The following COL6A6 variants were observed in gnomAD, a reference collection of about 807,000 sequenced individuals.
COL6A6 encodes collagen type VI alpha 6 chain.
In COL6A6, 183 loss-of-function variants were observed where a neutral mutation model predicts 208.6. That is an observed-to-expected ratio of 0.88 (90% CI 0.78 to 0.99). The LOEUF (loss-of-function observed/expected upper bound fraction) is 0.99, where lower values mean the gene tolerates loss of function less well. Among genes scored for constraint, COL6A6 ranks in the 50% least tolerant of loss-of-function variants. The probability of loss-of-function intolerance (pLI) is 0.00; values close to 1 mark genes in which losing one functional copy is unlikely to be tolerated. For synonymous variants in COL6A6, 973 were observed against 1,011.8 expected (o/e 0.96, Z 0.73); for missense variants, 2,816 against 2,815.2 (o/e 1.00, Z -0.01).
intron 1 of COL6A6, among the ~76,000 whole-genome samples, chr3:130,523,179 C>G (rs1429907119): frequency 3.3e-5 from 5 of 152,068 alleles, no homozygotes; most frequent in Non-Finnish European, 7.4e-5. Flanking sequence ...TTTGGAATCT[C>G]TTCTACCTAA....
chr3:130,599,595 T>G (rs1483192291), intron 19 of COL6A6, among the ~76,000 whole-genome samples, 162 bp from the exon 20 acceptor site: 1 of 152,218 alleles, frequency 6.6e-6, no homozygotes, highest in Non-Finnish European at 1.5e-5. Flanking sequence ...TATAGAAATG[T>G]GACTTATGAT....
In COL6A6 at chr3:130,566,783, T is replaced by C; in HGVS notation, c.1364T>C (p.Met455Thr). The C allele has an allele frequency of 6.2e-7, 1 of 1,614,014 alleles. No homozygotes were observed. Among genetic ancestry groups the C allele is most frequent in the Non-Finnish European group, 8.5e-7 (1 of 1,179,902 alleles). ...GSTQATDFHEMKTFLSEVVGM... is the reference protein window; with the variant it reads ...GSTQATDFHETKTFLSEVVGM... ...ACCCAGGCCACAGATTTCCATGAAATGAAGACGTTCCTGTCAGAGGTGGTA... is the reference window on the plus strand; with the variant it reads ...ACCCAGGCCACAGATTTCCATGAAACGAAGACGTTCCTGTCAGAGGTGGTA... The change falls in exon 5 of 37, where the codon ATG (methionine) becomes ACG (threonine). Residue 455 changes from methionine (M) to threonine (T), a missense_variant. Physicochemically the swap from Met to Thr is moderately conservative, Grantham distance 81 (BLOSUM62 -1). Coordinates refer to ENST00000358511, the MANE Select transcript of COL6A6 (RefSeq NM_001102608.3).
chr3:130,598,489 G>T, intron 19 of COL6A6, 59 bp downstream of exon 19: 1 of 1,198,932 alleles, frequency 8.3e-7, no homozygotes, highest in Admixed American at 2.1e-5. Context: ...AGTTCTTGTT[G>T]GTAGAATGTG....
At chr3:130,612,391 C>T (rs2064385747) in intron 23 of COL6A6, among the ~76,000 whole-genome samples, 1 of 152,160 alleles carries the variant, frequency 6.6e-6, no homozygotes, top group South Asian at 2.1e-4. Context: ...TGTACAGTCC[C>T]ACCAGGAGTG....
At chr3:130,672,609 G>T (rs570530903) in intron 36 of COL6A6, among the ~76,000 whole-genome samples, 125 of 151,804 alleles carry the variant, frequency 8.2e-4, no homozygotes, top group Admixed American at 1.4e-3. Flanking sequence ...TTACCATGTT[G>T]GCCAGGCTGG....
rs201487305 is a variant in COL6A6 at position 130,570,888 on chromosome 3, G to A, written c.2472G>A (p.Glu824=). 5.0e-6 allele frequency: 8 copies of A among 1,613,874 alleles called. No homozygotes were observed. Among genetic ancestry groups the A allele is most frequent in the East Asian group, 4.5e-5 (2 of 44,888 alleles). ...GCTCTGGCAGTATTGACTATGATGA[G>A]TATAATATCATGAAGGATTTTATGA... The part of the protein sequence containing the change: ...IDSSGSIDYD[E]YNIMKDFMIG... The change falls in exon 7 of 37, where the codon GAG becomes GAA. Residue 824 remains glutamate (E), a synonymous_variant. Transcript: ENST00000358511.
At chr3:130,528,092 A>G (rs986263581) in intron 1 of COL6A6, among the ~76,000 whole-genome samples, 1 of 152,130 alleles carries the variant, frequency 6.6e-6, no homozygotes, top group African/African-American at 2.4e-5. Flanking sequence ...GAGATATGCT[A>G]TGAAAAATAA....
chr3:130,557,110 G>A (rs2062783057), intron 1 of COL6A6, among the ~76,000 whole-genome samples: 1 of 152,130 alleles, frequency 6.6e-6, no homozygotes, highest in Non-Finnish European at 1.5e-5. Context: ...GGCAGTTTAG[G>A]AATGGAGCTG....
At chr3:130,608,763 C>CT (rs752049202) in intron 21 of COL6A6, 139 bp from the exon 22 acceptor site, 5,563 of 310,148 alleles carry the variant, frequency 0.018, 1,710 homozygotes, top group African/African-American at 0.077. Context: ...TATTTTTCAC[C>CT]TTTTTTTTTT....
At chr3:130,634,918 A>G (rs1236274462) in intron 27 of COL6A6, among the ~76,000 whole-genome samples, 1 of 152,084 alleles carries the variant, frequency 6.6e-6, no homozygotes, top group Non-Finnish European at 1.5e-5. Context: ...TATCATATAT[A>G]TTTTCTTATT....
At chr3:130,599,531 T>C (rs944604476) in intron 19 of COL6A6, among the ~76,000 whole-genome samples, 6 of 152,202 alleles carry the variant, frequency 3.9e-5, no homozygotes, top group African/African-American at 7.2e-5. Flanking sequence ...TGATGAATGA[T>C]GAACAGATGA....
rs1224707701 is a variant in COL6A6 at position 130,599,778 on chromosome 3, C to T, written c.4621C>T (p.Pro1541Ser). The T allele has an allele frequency of 3.7e-6, 6 of 1,613,520 alleles. No homozygotes were observed. Among genetic ancestry groups the T allele is most frequent in the African/African-American group, 1.3e-5 (1 of 74,880 alleles). Residue 1541 changes from proline to serine, a missense_variant, in exon 20 of 37, where the codon CCC becomes TCC. Pro to Ser is a moderately conservative substitution (Grantham distance 74). Transcript: ENST00000358511. ...ACAGGGCAGAAGAGGCTGGCCAGGC[C>T]CCCCCGGGACACCAGGCTCCAGAAG... is the stretch of plus-strand genomic sequence containing the variant. ...GRQGRRGWPG[P>S]PGTPGSRRKT...
chr3:130,601,641 C>T (rs764977322), intron 20 of COL6A6, among the ~76,000 whole-genome samples: 3 of 152,226 alleles, frequency 2.0e-5, no homozygotes, highest in Non-Finnish European at 4.4e-5. Flanking sequence ...AACCACACCA[C>T]TCCCATGAAA....
At chr3:130,545,437 T>A (rs1334367361) in intron 1 of COL6A6, among the ~76,000 whole-genome samples, 1 of 149,132 alleles carries the variant, frequency 6.7e-6, no homozygotes, top group African/African-American at 2.5e-5. Context: ...TTCCACCTCC[T>A]GGCTGCTTTC....
intron 24 of COL6A6, among the ~76,000 whole-genome samples, chr3:130,623,078 C>A (rs779041807): frequency 1.3e-5 from 2 of 152,086 alleles, no homozygotes; most frequent in South Asian, 2.1e-4. Context: ...GTGGCCAGCA[C>A]GGTGTTATCT....
intron 36 of COL6A6, among the ~76,000 whole-genome samples, chr3:130,670,974 C>A (rs2066198380): frequency 6.6e-6 from 1 of 152,136 alleles, no homozygotes; most frequent in Non-Finnish European, 1.5e-5. Flanking sequence ...AGACTGGACA[C>A]CCCTCTGCTG....
intron 1 of COL6A6, among the ~76,000 whole-genome samples, chr3:130,539,052 G>C (rs1156923952): frequency 1.3e-5 from 2 of 152,198 alleles, no homozygotes; most frequent in African/African-American, 4.8e-5. Flanking sequence ...CCCATGCTGA[G>C]AGTAACCTTG....
At position 130,574,069 on chromosome 3, in the gene COL6A6, G is replaced by C; in HGVS notation, c.3091G>C (p.Asp1031His). Residue 1031 changes from aspartate to histidine, a missense_variant, in exon 8 of 37, where the codon GAT (aspartate) becomes CAT (histidine). Physicochemically the swap from Asp to His is moderately conservative, Grantham distance 81. Coordinates refer to ENST00000358511, the MANE Select transcript of COL6A6 (RefSeq NM_001102608.3). ...EFLASVVQDF[D>H]VSLNRVRIGA... ...TCTGGCATCTGTTGTTCAAGACTTT[G>C]ATGTCAGCCTCAACAGAGTGCGAAT... 6.2e-7 allele frequency: 1 copy of C among 1,613,960 alleles called. No homozygotes were observed. The highest frequency in any genetic ancestry group is 8.5e-7 in the Non-Finnish European group (1 of 1,179,864).
chr3:130,533,833 C>T (rs1228921282), intron 1 of COL6A6, among the ~76,000 whole-genome samples: 3 of 152,188 alleles, frequency 2.0e-5, no homozygotes, highest in African/African-American at 7.2e-5. Context: ...TCATGTCAAC[C>T]TACAACTAGT....
Sources: allele counts gnomAD v4.1 joint callset (sites outside exome capture counted in the v4.1 genomes callset), GRCh38; gene constraint gnomAD v4.1.1; transcripts MANE v1.5; gene names NCBI Gene and HGNC (gene_info 2026-07-23, HGNC 2026-07-21).